Variants in HIP1 observed in about 807,000 individuals in gnomAD.
The protein encoded by HIP1 is huntingtin interacting protein 1.
In HIP1, 65 loss-of-function variants were observed where a neutral mutation model predicts 147.6. The ratio of observed to expected loss-of-function variants is 0.44; its 90% CI spans 0.36 to 0.54. HIP1 has a LOEUF of 0.54. Among genes scored for constraint, HIP1 ranks in the 20% least tolerant of loss-of-function variants. The pLI is 0.00. For synonymous variants in HIP1, 479 were observed against 504.0 expected (o/e 0.95, Z 0.67); for missense variants, 1,061 against 1,299.6 (o/e 0.82, Z 2.82).
chr7:75,594,400 T>C (rs1256362280), intron 2 of HIP1, among the ~76,000 whole-genome samples: 9 of 151,736 alleles, frequency 5.9e-5, no homozygotes, highest in Non-Finnish European at 1.3e-4. Flanking sequence ...TCCCCATATA[T>C]GGGATCCTGG....
intron 1 of HIP1, among the ~76,000 whole-genome samples, chr7:75,616,584 GGGAGGAGGAGGAGGAGGA>G (rs782489721): frequency 1.4e-5 from 2 of 145,968 alleles, no homozygotes; most frequent in African/African-American, 2.5e-5. Flanking sequence ...TTTAAGGGTG[GGGAGGAGGAGGAGGAGGA>G]GGAGGAGGAG....
intron 1 of HIP1, among the ~76,000 whole-genome samples, chr7:75,723,924 A>C (rs1249755460): frequency 6.7e-6 from 1 of 149,574 alleles, no homozygotes; most frequent in Non-Finnish European, 1.5e-5. Flanking sequence ...TAATTTTTTT[A>C]TTATTATTAT....
chr7:75,693,037 C>T (rs112417677), intron 1 of HIP1, among the ~76,000 whole-genome samples: 49 of 151,798 alleles, frequency 3.2e-4, no homozygotes, highest in African/African-American at 1.0e-3. Flanking sequence ...TGGTGCTACG[C>T]GCCTGTAATC....
At chr7:75,638,274 C>T (rs1798512019) in intron 1 of HIP1, among the ~76,000 whole-genome samples, 2 of 151,912 alleles carry the variant, frequency 1.3e-5, no homozygotes, top group Non-Finnish European at 2.9e-5. Flanking sequence ...CCTGCGAACC[C>T]CCCTCCCATC....
At chr7:75,715,485 A>G (rs1264354752) in intron 1 of HIP1, among the ~76,000 whole-genome samples, 1 of 146,148 alleles carries the variant, frequency 6.8e-6, no homozygotes, top group Non-Finnish European at 1.5e-5. Flanking sequence ...AGAGAGAGAG[A>G]GAAAGGCCAG....
chr7:75,695,240 C>T (rs1163029982), intron 1 of HIP1, among the ~76,000 whole-genome samples: 1 of 152,140 alleles, frequency 6.6e-6, no homozygotes, highest in Non-Finnish European at 1.5e-5. Context: ...AGCACTCTCA[C>T]TGGGGACTCC....
chr7:75,673,077 A>G (rs902617313), intron 1 of HIP1, among the ~76,000 whole-genome samples: 2 of 149,610 alleles, frequency 1.3e-5, no homozygotes, highest in South Asian at 4.2e-4. Context: ...GCTAGAGTGC[A>G]GTGGTGTGAT....
chr7:75,694,570 G>T (rs111952425), intron 1 of HIP1, among the ~76,000 whole-genome samples: 1 of 147,116 alleles, frequency 6.8e-6, no homozygotes, highest in Non-Finnish European at 1.5e-5. Context: ...GAGTGCAGTG[G>T]TGTGATCACA....
At chr7:75,605,609 T>G (rs782671749) in intron 1 of HIP1, among the ~76,000 whole-genome samples, 1 of 152,196 alleles carries the variant, frequency 6.6e-6, no homozygotes, top group Non-Finnish European at 1.5e-5. Flanking sequence ...CTTGGCTCAC[T>G]GCAACCTCCA....
At chr7:75,632,583 A>G (rs1239240677) in intron 1 of HIP1, among the ~76,000 whole-genome samples, 2 of 140,264 alleles carry the variant, frequency 1.4e-5, no homozygotes, top group African/African-American at 5.3e-5. Flanking sequence ...TTTTTTGTAG[A>G]GACAGGGTCT....
At chr7:75,656,366 C>T (rs937325142) in intron 1 of HIP1, among the ~76,000 whole-genome samples, 1 of 149,872 alleles carries the variant, frequency 6.7e-6, no homozygotes, top group Admixed American at 6.7e-5. Context: ...AAGAAGTTCT[C>T]ACTCTGGGGG....
rs143872509 is a variant in HIP1 at position 75,559,213 on chromosome 7, C to T, written c.1375+519G>A. On this transcript the variant is annotated intron_variant, in intron 14 of 30. Coordinates refer to ENST00000336926, the MANE Select transcript of HIP1 (RefSeq NM_005338.7). The stretch of plus-strand genomic sequence containing the variant: ...CACTGCAGCCTTGAATTCCTGGGCT[C>T]AAGCGATCCTCCTGTCTCAGCCTCA... Among the ~76,000 whole-genome samples, 24 of 152,274 alleles carry T rather than the reference C, an allele frequency of 1.6e-4. No individual in the cohort carries two copies. The East Asian group carries it at 4.7e-3, about 30-fold the overall frequency.
At chr7:75,624,090 C>T (rs1286202499) in intron 1 of HIP1, among the ~76,000 whole-genome samples, 2 of 152,102 alleles carry the variant, frequency 1.3e-5, no homozygotes, top group African/African-American at 2.4e-5. Context: ...AAGAAACACA[C>T]GCACACCTCC....
intron 1 of HIP1, among the ~76,000 whole-genome samples, chr7:75,670,754 C>T (rs1172932881): frequency 1.3e-5 from 2 of 151,154 alleles, no homozygotes; most frequent in Non-Finnish European, 2.9e-5. Flanking sequence ...GCTGGGACTA[C>T]AGGCATGCTC....
intron 1 of HIP1, among the ~76,000 whole-genome samples, chr7:75,618,554 C>T (rs112394929): frequency 0.011 from 1,674 of 151,972 alleles, 31 homozygotes; most frequent in African/African-American, 0.038. Flanking sequence ...CCCAAAGTGC[C>T]GGGATTACAG....
At chr7:75,726,265 C>T (rs1487595480) in intron 1 of HIP1, among the ~76,000 whole-genome samples, 1 of 149,524 alleles carries the variant, frequency 6.7e-6, no homozygotes, top group Non-Finnish European at 1.5e-5. Flanking sequence ...GTTTACAGTC[C>T]CACCTGCAGT....
chr7:75,608,996 A>T (rs1285505198), intron 1 of HIP1, among the ~76,000 whole-genome samples: 2 of 152,172 alleles, frequency 1.3e-5, no homozygotes, highest in East Asian at 3.9e-4. Context: ...GTGCTAAGGA[A>T]AGTGGGGAAC....
intron 8 of HIP1, among the ~76,000 whole-genome samples, chr7:75,571,987 A>G (rs1460528577): frequency 6.6e-6 from 1 of 152,114 alleles, no homozygotes; most frequent in Non-Finnish European, 1.5e-5. Flanking sequence ...AGGTGGGCGG[A>G]TCACTTGAGG....
intron 7 of HIP1, among the ~76,000 whole-genome samples, chr7:75,579,820 G>C (rs1795973481): frequency 6.6e-6 from 1 of 152,140 alleles, no homozygotes; most frequent in Non-Finnish European, 1.5e-5. Context: ...TGCAGAGAAG[G>C]CCACGAGGCT....
Sources: allele counts gnomAD v4.1 joint callset (sites outside exome capture counted in the v4.1 genomes callset), GRCh38; gene constraint gnomAD v4.1.1; transcripts MANE v1.5; gene names NCBI Gene and HGNC (gene_info 2026-07-23, HGNC 2026-07-21).